Variants in ZNF717 observed in about 807,000 individuals in gnomAD.
ZNF717 encodes zinc finger protein 717.
A neutral mutation model predicts 13.8 loss-of-function variants in ZNF717; 9 were observed. The ratio of observed to expected loss-of-function variants is 0.65; its 90% confidence interval spans 0.39 to 1.14. The LOEUF (loss-of-function observed/expected upper bound fraction) is 1.14. Among genes scored for constraint, ZNF717 ranks in the 50% most tolerant of loss-of-function variants. The pLI is 0.01. For synonymous variants in ZNF717, 327 were observed against 364.1 expected (o/e 0.90, Z 1.16); for missense variants, 1,040 against 1,080.7 (o/e 0.96, Z 0.53).
chr3:75,741,784 A>T, intron 2 of ZNF717, 48 bp from the exon 3 acceptor site: 3 of 1,559,634 alleles, frequency 1.9e-6, no homozygotes, highest in Non-Finnish European at 2.6e-6. Flanking sequence ...ACGTTCCTGT[A>T]CAGGGTCCTC....
intron 2 of ZNF717, among the ~76,000 whole-genome samples, chr3:75,749,755 G>A (rs36041460): frequency 0.081 from 12,177 of 150,976 alleles, 815 homozygotes; most frequent in African/African-American, 0.17. Context: ...TAGGACTCCA[G>A]AACAATGCTG....
chr3:75,761,480 T>C (rs1334235231), intron 2 of ZNF717, among the ~76,000 whole-genome samples: 1 of 152,188 alleles, frequency 6.6e-6, no homozygotes, highest in Non-Finnish European at 1.5e-5. Context: ...GATAGCAACA[T>C]CTCCTCCTGC....
In ZNF717 at chr3:75,738,754, T is replaced by G; in HGVS notation, c.869A>C (p.Lys290Thr). Residue 290 changes from lysine to threonine, a missense_variant, in exon 5 of 5, where the codon AAA becomes ACA. This residue lies in a region of ZNF717 where 873 missense variants were observed against 832.8 expected (regional missense o/e 1.05). Transcript: ENST00000652011. ...AAGGTCTGATTTGCTAATGGAGGGT[T>G]TCTCACATTCAACACATTCATAGGG... Reference protein sequence around the residue: ...EKPYECVECEKPSISKSDLML... With the variant: ...EKPYECVECETPSISKSDLML... The G allele has an allele frequency of 6.4e-7, 1 of 1,552,516 alleles. No individual in the cohort carries two copies. The highest frequency in any genetic ancestry group is 8.7e-7 in the Non-Finnish European group (1 of 1,147,598).
chr3:75,766,936 A>C (rs967651595), intron 2 of ZNF717, among the ~76,000 whole-genome samples: 5 of 152,268 alleles, frequency 3.3e-5, no homozygotes, highest in Non-Finnish European at 5.9e-5. Context: ...TTTGGAACAA[A>C]CTTGTTATAA....
downstream of ZNF717, among the ~76,000 whole-genome samples, chr3:75,734,440 G>GT (rs1553657139): frequency 3.0e-4 from 33 of 108,692 alleles, no homozygotes; most frequent in Middle Eastern, 0.012. Flanking sequence ...TTGTTTTTTT[G>GT]TTTTTTTTGT....
chr3:75,720,120 T>C (rs1472889867), intron 4 of ZNF717, among the ~76,000 whole-genome samples: 2 of 152,018 alleles, frequency 1.3e-5, no homozygotes, highest in East Asian at 3.9e-4. Context: ...AGAACTATCA[T>C]GAGACCCAGC....
chr3:75,777,963 C>T (rs534443761), intron 2 of ZNF717, among the ~76,000 whole-genome samples: 1 of 150,110 alleles, frequency 6.7e-6, no homozygotes, highest in East Asian at 2.0e-4. Flanking sequence ...GAGTGACGTG[C>T]TAAAACCGGA....
chr3:75,733,006 C>T (rs1009556769), downstream of ZNF717, among the ~76,000 whole-genome samples: 1,404 of 152,036 alleles, frequency 9.2e-3, 5 homozygotes, highest in Non-Finnish European at 0.014. Flanking sequence ...AACAGATAGG[C>T]AATGTAAGCA....
intron 2 of ZNF717, among the ~76,000 whole-genome samples, chr3:75,756,565 G>A (rs1450043108): frequency 6.6e-6 from 1 of 152,206 alleles, no homozygotes; most frequent in African/African-American, 2.4e-5. Context: ...ACACATGAAT[G>A]ATAAAAAGCT....
rs3009014 is a variant in ZNF717 at position 75,738,231 on chromosome 3, T to C, written c.1392A>G (p.Ser464=). Reference sequence around the variant, plus strand: ...GAGTTCTCTGATGTAACCTGAGGTTTGACTTATTGATAAAGGGTTTTCCAC... The same window carrying C: ...GAGTTCTCTGATGTAACCTGAGGTTCGACTTATTGATAAAGGGTTTTCCAC... The part of the protein sequence containing the change: ...NECGKPFINK[S]NLRLHQRTHT... The change falls in exon 5 of 5, where the codon TCA becomes TCG. Residue 464 remains serine, a synonymous_variant. Transcript: ENST00000652011. The C allele has an allele frequency of 0.85, 1,322,949 of 1,563,648 alleles. 548,445 individuals are homozygous for C. Among genetic ancestry groups the C allele is most frequent in the Middle Eastern group, 0.91 (5,504 of 6,026 alleles).
At chr3:75,730,486 A>G in exon 6 of ZNF717, 1 of 542,982 alleles carries the variant, frequency 1.8e-6, no homozygotes, top group South Asian at 2.7e-5. Flanking sequence ...TTGGAAAAAT[A>G]AAAGAACAAT....
intron 1 of ZNF717, among the ~76,000 whole-genome samples, chr3:75,784,416 A>C (rs1301653262): frequency 1.3e-5 from 2 of 152,248 alleles, no homozygotes; most frequent in Non-Finnish European, 2.9e-5. Context: ...GAAAGTCTTA[A>C]ATTACAAATC....
chr3:75,756,134 A>AG (rs1467454278), intron 2 of ZNF717, among the ~76,000 whole-genome samples: 2 of 152,258 alleles, frequency 1.3e-5, no homozygotes, highest in Non-Finnish European at 2.9e-5. Flanking sequence ...CAGTAATTTA[A>AG]GCTTTTTATC....
At chr3:75,757,234 C>T (rs528102195) in intron 2 of ZNF717, among the ~76,000 whole-genome samples, 3 of 152,140 alleles carry the variant, frequency 2.0e-5, no homozygotes, top group Non-Finnish European at 4.4e-5. Context: ...CTAGGATATT[C>T]CCAGCTAGGG....
chr3:75,748,692 A>G (rs1941398498), intron 2 of ZNF717, among the ~76,000 whole-genome samples: 2 of 152,184 alleles, frequency 1.3e-5, no homozygotes, highest in African/African-American at 4.8e-5. Context: ...CGACATATCT[A>G]AAAATAATAA....
chr3:75,750,493 T>C (rs1941659185), intron 2 of ZNF717, among the ~76,000 whole-genome samples: 1 of 151,662 alleles, frequency 6.6e-6, no homozygotes, highest in Non-Finnish European at 1.5e-5. Context: ...TGCTGTGGTC[T>C]GAATCCTTGC....
rs1194812678 is a variant in ZNF717, at chr3:75,783,340, C to T, written c.23G>A (p.Cys8Tyr). Residue 8 changes from cysteine (C) to tyrosine (Y), a missense_variant, in exon 2 of 5, where the codon TGT becomes TAT. Physicochemically the swap from Cys to Tyr is radical, Grantham distance 194. Coordinates refer to ENST00000652011, the MANE Select transcript of ZNF717 (RefSeq NM_001290208.3). The part of the protein sequence containing the change: MFPVFSG[C>Y]FQELQEKNKS... ...ATTCTTTTCTTGTAGCTCTTGGAAA[C>T]AGCCAGAGAACACTGGAAACATAGC... 2 of 1,551,304 alleles carry T rather than the reference C, an allele frequency of 1.3e-6. No individual in the cohort carries two copies. Among genetic ancestry groups the T allele is most frequent in the Non-Finnish European group, 1.7e-6 (2 of 1,146,648 alleles).
intron 2 of ZNF717, among the ~76,000 whole-genome samples, chr3:75,769,366 T>G (rs1167322856): frequency 2.0e-5 from 3 of 151,950 alleles, no homozygotes; most frequent in Admixed American, 2.0e-4. Context: ...AGAGTCCTTC[T>G]GGGTGCCTGC....
chr3:75,732,767 C>T (rs986174083), downstream of ZNF717, among the ~76,000 whole-genome samples: 126 of 152,368 alleles, frequency 8.3e-4, no homozygotes, highest in South Asian at 3.1e-3. Flanking sequence ...CCACAGCTTC[C>T]CATCATTACT....
Sources: gnomAD v4.1 joint callset for allele counts (sites outside exome capture counted in the v4.1 genomes callset) on GRCh38, gnomAD v4.1.1 for gene constraint, gnomAD v4.1.1 regional missense constraint, MANE v1.5 for transcripts, NCBI Gene and HGNC (gene_info 2026-07-23, HGNC 2026-07-21) for gene names.